The following ASCC3 variants were observed in gnomAD, a reference collection of about 807,000 sequenced individuals.
ASCC3 encodes the protein ASC-1 complex subunit P200.
ASCC3 carries 158 observed loss-of-function variants against 256.3 expected under a neutral mutation model. That is an observed-to-expected ratio of 0.62 (90% CI 0.54 to 0.70). The LOEUF is 0.70. Among genes scored for constraint, ASCC3 ranks in the 30% least tolerant of loss-of-function variants. The pLI is 0.00. For synonymous variants in ASCC3, 948 were observed against 883.4 expected (o/e 1.07, Z -1.30); for missense variants, 2,259 against 2,626.0 (o/e 0.86, Z 3.05).
intron 36 of ASCC3, among the ~76,000 whole-genome samples, chr6:100,583,993 A>G (rs1392484226): frequency 1.3e-5 from 2 of 151,810 alleles, no homozygotes; most frequent in African/African-American, 2.4e-5. Flanking sequence ...TGCTGAGGAG[A>G]GCTCTACTTC....
intron 37 of ASCC3, among the ~76,000 whole-genome samples, chr6:100,534,361 A>G (rs572994081): frequency 6.6e-6 from 1 of 152,348 alleles, no homozygotes; most frequent in East Asian, 1.9e-4. Flanking sequence ...TTGTCACCAA[A>G]TTTGAACATT....
intron 3 of ASCC3, among the ~76,000 whole-genome samples, chr6:100,855,237 C>T (rs148442218): frequency 5.1e-4 from 77 of 152,194 alleles, no homozygotes; most frequent in African/African-American, 1.8e-3. Flanking sequence ...ACTCAGCCTC[C>T]CGAGTAGCTG....
intron 8 of ASCC3, among the ~76,000 whole-genome samples, chr6:100,768,103 C>A (rs1285330872): frequency 6.6e-6 from 1 of 152,044 alleles, no homozygotes; most frequent in Admixed American, 6.6e-5. Context: ...ATCGCAAATT[C>A]TATTTCATAT....
chr6:100,791,899 A>G (rs1206719611), intron 8 of ASCC3, among the ~76,000 whole-genome samples: 1 of 151,912 alleles, frequency 6.6e-6, no homozygotes, highest in Admixed American at 6.6e-5. Flanking sequence ...TGACCCTGGA[A>G]TAACAGCCAT....
chr6:100,544,699 ATGCCC>A (rs1415515247), intron 36 of ASCC3, among the ~76,000 whole-genome samples: 1 of 152,166 alleles, frequency 6.6e-6, no homozygotes, highest in South Asian at 2.1e-4. Context: ...AGAAAACTCC[ATGCCC>A]TGATAGCTTC....
chr6:100,688,265 A>AT (rs1184629809), intron 13 of ASCC3, among the ~76,000 whole-genome samples: 1 of 100,558 alleles, frequency 9.9e-6, no homozygotes, highest in Non-Finnish European at 2.1e-5. Flanking sequence ...TGGTGGAGTT[A>AT]TTAAAAAAAA....
intron 14 of ASCC3, among the ~76,000 whole-genome samples, chr6:100,669,249 T>C (rs1004365860): frequency 6.7e-6 from 1 of 149,374 alleles, no homozygotes; most frequent in Admixed American, 6.7e-5. Flanking sequence ...TTTCTTTTCT[T>C]TCATTTTAAT....
At chr6:100,747,537 A>C (rs186359650) in intron 10 of ASCC3, among the ~76,000 whole-genome samples, 7 of 152,264 alleles carry the variant, frequency 4.6e-5, no homozygotes, top group African/African-American at 1.7e-4. Context: ...AAGCAACTTG[A>C]TATACTTAGC....
chr6:100,829,494 C>A (rs1771509985), intron 4 of ASCC3, among the ~76,000 whole-genome samples: 1 of 152,172 alleles, frequency 6.6e-6, no homozygotes, highest in African/African-American at 2.4e-5. Context: ...GCGGGGCCCA[C>A]CGAGCCCACG....
chr6:100,832,501 TAAGA>T (rs907976105), intron 4 of ASCC3, among the ~76,000 whole-genome samples: 7 of 152,022 alleles, frequency 4.6e-5, no homozygotes, highest in Admixed American at 3.3e-4. Context: ...ATCATGAATA[TAAGA>T]AAGGAAGAGC....
intron 37 of ASCC3, among the ~76,000 whole-genome samples, chr6:100,519,592 A>C (rs1325895354): frequency 6.6e-6 from 1 of 152,156 alleles, no homozygotes; most frequent in Non-Finnish European, 1.5e-5. Context: ...GGGAAGAGAA[A>C]AGGAAAAGAG....
chr6:100,776,898 T>G (rs78050750), intron 8 of ASCC3, among the ~76,000 whole-genome samples: 2,082 of 152,160 alleles, frequency 0.014, 21 homozygotes, highest in East Asian at 0.045. Context: ...ATAAATCATA[T>G]AGATACCAAG....
At chr6:100,804,142 A>C (rs1418378071) in intron 5 of ASCC3, among the ~76,000 whole-genome samples, 1 of 152,094 alleles carries the variant, frequency 6.6e-6, no homozygotes, top group Non-Finnish European at 1.5e-5. Context: ...CAGTGTGATA[A>C]TTGTATTGTG....
intron 4 of ASCC3, among the ~76,000 whole-genome samples, chr6:100,828,908 A>G (rs1179155895): frequency 6.6e-6 from 1 of 152,010 alleles, no homozygotes; most frequent in African/African-American, 2.4e-5. Context: ...CCCCACCCAC[A>G]TCCTGCTGAT....
At position 100,717,026 on chromosome 6, in the gene ASCC3, A is replaced by G. The variant is rs1447001802; in HGVS notation, c.2079+1049T>C. Among the ~76,000 whole-genome samples the G allele has an allele frequency of 1.3e-5, 2 of 152,004 alleles. 1 individual carries two copies. The highest frequency in any genetic ancestry group is 4.1e-4 in the South Asian group (2 of 4,834). ...CATAACTGAAAAAAACAAGCAGCAA[A>G]TATTTCTGAAAAGCAGCACTTGAAA... On this transcript the variant is annotated intron_variant, in intron 12 of 41. Coordinates refer to ENST00000369162, the MANE Select transcript of ASCC3 (RefSeq NM_006828.4).
chr6:100,795,245 T>C (rs1308839295), intron 8 of ASCC3, among the ~76,000 whole-genome samples: 2 of 151,788 alleles, frequency 1.3e-5, no homozygotes, highest in African/African-American at 2.4e-5. Context: ...GAAACGGTCA[T>C]GTTTGCTGCT....
chr6:100,878,741 G>C (rs892569573), intron 1 of ASCC3, among the ~76,000 whole-genome samples: 1 of 152,200 alleles, frequency 6.6e-6, no homozygotes, highest in Non-Finnish European at 1.5e-5. Context: ...TCTTGTGAGA[G>C]TGGAAAAAAC....
intron 23 of ASCC3, among the ~76,000 whole-genome samples, chr6:100,643,114 T>C (rs773303511): frequency 2.6e-5 from 4 of 152,170 alleles, no homozygotes; most frequent in African/African-American, 4.8e-5. Context: ...TGTTAAGTTC[T>C]ATCAGTACCT....
intron 8 of ASCC3, among the ~76,000 whole-genome samples, chr6:100,787,649 A>G (rs1487882862): frequency 6.6e-6 from 1 of 152,152 alleles, no homozygotes; most frequent in African/African-American, 2.4e-5. Context: ...CAGGGAATCA[A>G]AAATAAGCTC....
Sources: allele counts gnomAD v4.1 joint callset (sites outside exome capture counted in the v4.1 genomes callset), GRCh38; gene constraint gnomAD v4.1.1; transcripts MANE v1.5; gene names NCBI Gene and HGNC (gene_info 2026-07-23, HGNC 2026-07-21).